PCDH11X: variants seen among roughly 807,000 people sequenced by gnomAD.
The protein encoded by PCDH11X is protocadherin-11 X-linked.
Under a neutral mutation model 53.3 loss-of-function variants are expected in PCDH11X, and 18 were observed. The observed-to-expected ratio is 0.34, with a 90% CI of 0.23 to 0.50. The LOEUF (loss-of-function observed/expected upper bound fraction) is 0.50, where lower values mean the gene tolerates loss of function less well. PCDH11X is among the 20% of genes least tolerant of loss of function. PCDH11X has a pLI of 0.98. For synonymous variants in PCDH11X, 279 were observed against 393.3 expected, an observed-to-expected ratio of 0.71 and a Z score of 3.44; for missense variants, 570 against 1,032.4, an observed-to-expected ratio of 0.55 and a Z score of 6.14.
chrX:91,957,298 C>T (rs1420005820), intron 6 of PCDH11X, among the ~76,000 whole-genome samples: 1 of 110,439 alleles, frequency 9.1e-6, no homozygotes, highest in Non-Finnish European at 1.9e-5. Context: ...TGTGCCCTTG[C>T]TGGAGAGGTG....
intron 8 of PCDH11X, among the ~76,000 whole-genome samples, chrX:92,351,835 G>C (rs2070058520): frequency 9.0e-6 from 1 of 111,616 alleles, no homozygotes; most frequent in Non-Finnish European, 1.9e-5. Context: ...GCAGCTATGA[G>C]TTAATGGAAA....
intron 9 of PCDH11X, among the ~76,000 whole-genome samples, chrX:92,423,590 C>T (rs1025210047): frequency 1.1e-5 from 1 of 91,555 alleles, no homozygotes; most frequent in African/African-American, 3.5e-5. Context: ...AGGGTTTTTC[C>T]AATGTTATCT....
intron 8 of PCDH11X, among the ~76,000 whole-genome samples, chrX:92,387,156 T>C (rs1408537933): frequency 1.8e-5 from 2 of 110,119 alleles, no homozygotes; most frequent in African/African-American, 3.3e-5. Flanking sequence ...TAAACTGTTA[T>C]CCATATTATG....
At chrX:92,151,785 C>T (rs2065440267) in intron 6 of PCDH11X, among the ~76,000 whole-genome samples, 1 of 111,085 alleles carries the variant, frequency 9.0e-6, no homozygotes, top group African/African-American at 3.3e-5. Flanking sequence ...AGTTCATTTA[C>T]ATATTAAATC....
At chrX:92,229,323 C>T (rs967050093) in intron 7 of PCDH11X, among the ~76,000 whole-genome samples, 1 of 111,247 alleles carries the variant, frequency 9.0e-6, no homozygotes, top group African/African-American at 3.3e-5. Flanking sequence ...ATAAGGACAA[C>T]ATGCAGTAGT....
intron 6 of PCDH11X, among the ~76,000 whole-genome samples, chrX:91,893,855 G>T (rs909459903): frequency 2.6e-4 from 29 of 111,196 alleles, no homozygotes; most frequent in Admixed American, 6.7e-4. Context: ...AAATTTTAAG[G>T]AATGAACTTC....
At chrX:91,990,160 A>G (rs1370677966) in intron 6 of PCDH11X, among the ~76,000 whole-genome samples, 8 of 110,685 alleles carry the variant, frequency 7.2e-5, no homozygotes, top group African/African-American at 2.6e-4. Flanking sequence ...TGATTCTTTT[A>G]TAATTAATCC....
In PCDH11X at chrX:92,151,636, CTT is replaced by C. The variant is rs2065436950; in HGVS notation, c.3034-49738_3034-49737del. Among the ~76,000 whole-genome samples, 4 of 97,992 alleles carry C rather than the reference CTT, an allele frequency of 4.1e-5. No homozygotes were observed. In the South Asian group the frequency reaches 1.5e-3, roughly 38 times the overall value. The allele number at this position is 97,992 out of a possible 115,157, so 85.1% of individuals were successfully genotyped here. A position where few individuals can be genotyped will look rare whatever the true frequency, so the allele number is the denominator to read the frequency against. On this transcript the variant is annotated intron_variant, in intron 6 of 10. Coordinates refer to ENST00000682573, the MANE Select transcript of PCDH11X (RefSeq NM_032968.5). ...TTTTGAAATTAAAATTATAATCTAT[CTT>C]AATTCTACGGTTCTTTTTCAGAGAT...
chrX:92,244,670 T>C (rs1263904149), intron 7 of PCDH11X, among the ~76,000 whole-genome samples: 1 of 111,752 alleles, frequency 8.9e-6, no homozygotes, highest in African/African-American at 3.2e-5. Flanking sequence ...TACTCACTAT[T>C]GTCATTGGTG....
chrX:92,581,024 G>C (rs940633076), intron 10 of PCDH11X, among the ~76,000 whole-genome samples: 37 of 110,255 alleles, frequency 3.4e-4, no homozygotes, highest in African/African-American at 1.2e-3. Flanking sequence ...CATTTTTCTT[G>C]GTGAGAGCTG....
intron 7 of PCDH11X, among the ~76,000 whole-genome samples, chrX:92,252,980 C>T (rs937212189): frequency 9.1e-6 from 1 of 109,888 alleles, no homozygotes; most frequent in Non-Finnish European, 1.9e-5. Flanking sequence ...CAGGAATACA[C>T]AAGAAAGATG....
At chrX:92,363,767 T>C (rs747952464) in intron 8 of PCDH11X, among the ~76,000 whole-genome samples, 3 of 111,552 alleles carry the variant, frequency 2.7e-5, no homozygotes, top group South Asian at 7.4e-4. Flanking sequence ...ACAGTCACCA[T>C]TGAATATGAT....
Position 91,876,102 on chromosome X carries a change from A to C in PCDH11X, c.541-679A>C, listed in dbSNP as rs1379070627. On this transcript the variant is annotated intron_variant, in intron 5 of 10. Transcript: ENST00000682573. ...TTAAAATATACTTTTTTCTTTTGAA[A>C]ACTTAAATAGTTCGAAAACCAAACA... Among the ~76,000 whole-genome samples, 5 of 111,988 alleles carry C rather than the reference A, an allele frequency of 4.5e-5. No homozygotes were observed. In the East Asian group the frequency reaches 8.4e-4, roughly 19 times the overall value.
intron 4 of PCDH11X, among the ~76,000 whole-genome samples, chrX:91,812,896 A>G (rs370567882): frequency 3.6e-5 from 4 of 111,964 alleles, no homozygotes; most frequent in East Asian, 5.6e-4. Flanking sequence ...AACAACTTAA[A>G]TTTACAAACT....
intron 7 of PCDH11X, among the ~76,000 whole-genome samples, chrX:92,220,790 G>C (rs1426244197): frequency 1.9e-5 from 2 of 105,151 alleles, no homozygotes; most frequent in African/African-American, 3.5e-5. Flanking sequence ...CAAAGACTTG[G>C]AACCAACCCA....
chrX:92,014,391 G>T (rs2062752047), intron 6 of PCDH11X, among the ~76,000 whole-genome samples: 1 of 110,329 alleles, frequency 9.1e-6, no homozygotes, highest in African/African-American at 3.3e-5. Flanking sequence ...AACAACAGGT[G>T]CTGGAGAGGA....
intron 6 of PCDH11X, among the ~76,000 whole-genome samples, chrX:92,093,424 A>T (rs1276869997): frequency 8.9e-6 from 1 of 111,983 alleles, no homozygotes; most frequent in Non-Finnish European, 1.9e-5. Context: ...AGTTTTATCT[A>T]CAGCTTGAAC....
chrX:92,286,033 C>T (rs1337260626), intron 8 of PCDH11X, among the ~76,000 whole-genome samples: 3 of 112,203 alleles, frequency 2.7e-5, no homozygotes, highest in African/African-American at 9.7e-5. Context: ...TGGTTTTCCG[C>T]CCCGGGTGGG....
intron 7 of PCDH11X, among the ~76,000 whole-genome samples, chrX:92,249,681 A>T (rs1275381647): frequency 8.9e-6 from 1 of 112,205 alleles, no homozygotes; most frequent in Admixed American, 9.4e-5. Flanking sequence ...CTGCTTCTAC[A>T]TTGTTTTGAG....
Sources: gnomAD v4.1 joint callset for allele counts (sites outside exome capture counted in the v4.1 genomes callset) on GRCh38, gnomAD v4.1.1 for gene constraint, MANE v1.5 for transcripts, NCBI Gene and HGNC (gene_info 2026-07-23, HGNC 2026-07-21) for gene names.